SRGAP2B: variants seen among roughly 807,000 people sequenced by gnomAD.
The protein encoded by SRGAP2B is SLIT-ROBO Rho GTPase-activating protein 2B.
SRGAP2B carries 9 observed loss-of-function variants against 22.2 expected under a neutral mutation model. That is an observed-to-expected ratio of 0.41 (90% CI 0.24 to 0.71). The LOEUF (loss-of-function observed/expected upper bound fraction) is 0.71. SRGAP2B is among the 30% of genes least tolerant of loss of function. The probability of loss-of-function intolerance (pLI) is 0.35; values close to 1 mark genes in which losing one functional copy is unlikely to be tolerated. For missense variants in SRGAP2B, 114 were observed against 235.8 expected, an observed-to-expected ratio of 0.48 and a Z score of 3.38; for synonymous variants, 36 against 87.4, an observed-to-expected ratio of 0.41 and a Z score of 3.28.
intron 2 of SRGAP2B, among the ~76,000 whole-genome samples, chr1:145,016,955 TTTTG>T (rs781961698): frequency 2.8e-5 from 4 of 142,752 alleles, no homozygotes; most frequent in African/African-American, 8.1e-5. Flanking sequence ...TTCAAGTTTT[TTTTG>T]TTTGTTTGTT....
At chr1:145,088,453 TAA>T (rs67689376) in intron 2 of SRGAP2B, among the ~76,000 whole-genome samples, 13 of 132,330 alleles carry the variant, frequency 9.8e-5, no homozygotes, top group Admixed American at 2.2e-4. Context: ...CCTAAGACAT[TAA>T]AAAAAAAAAA....
At chr1:144,912,043 C>T (rs1329898027) in intron 5 of SRGAP2B, among the ~76,000 whole-genome samples, 26 of 139,976 alleles carry the variant, frequency 1.9e-4, no homozygotes, top group Middle Eastern at 8.1e-3. Flanking sequence ...CTCTGCCTCC[C>T]AGGTTCAAGC....
At chr1:144,929,470 G>A (rs1364436618) in intron 4 of SRGAP2B, among the ~76,000 whole-genome samples, 1 of 150,752 alleles carries the variant, frequency 6.6e-6, no homozygotes, top group Non-Finnish European at 1.5e-5. Flanking sequence ...TCCATTTTGA[G>A]TTAATTTTTT....
At chr1:144,990,670 G>A (rs587671339) in intron 3 of SRGAP2B, among the ~76,000 whole-genome samples, 18 of 149,726 alleles carry the variant, frequency 1.2e-4, no homozygotes, top group African/African-American at 4.0e-4. Context: ...AGCGGGAACC[G>A]GGGCTGCGTG....
intron 3 of SRGAP2B, among the ~76,000 whole-genome samples, chr1:144,993,282 A>G (rs1393584827): frequency 4.0e-5 from 6 of 151,240 alleles, no homozygotes; most frequent in African/African-American, 1.5e-4. Flanking sequence ...CCAAATGTCA[A>G]TGTGCACACA....
intron 4 of SRGAP2B, among the ~76,000 whole-genome samples, chr1:144,927,043 G>A (rs113663887): frequency 0.011 from 1,695 of 151,174 alleles, 28 homozygotes; most frequent in Non-Finnish European, 0.017. Context: ...TCTGCCTCCC[G>A]GCTTCACGCC....
At chr1:145,034,256 CTT>C (rs1648529417) in intron 2 of SRGAP2B, among the ~76,000 whole-genome samples, 1 of 83,060 alleles carries the variant, frequency 1.2e-5, no homozygotes, top group Non-Finnish European at 2.4e-5. Context: ...CCAAGTAACA[CTT>C]TTCTCATTTC....
intron 4 of SRGAP2B, among the ~76,000 whole-genome samples, chr1:144,924,952 T>A (rs1358144432): frequency 6.7e-6 from 1 of 148,964 alleles, no homozygotes; most frequent in Non-Finnish European, 1.5e-5. Flanking sequence ...TTTAAGCCTA[T>A]GTTATTAAGT....
intron 2 of SRGAP2B, among the ~76,000 whole-genome samples, chr1:145,065,199 A>C (rs1272269970): frequency 6.6e-6 from 1 of 152,070 alleles, no homozygotes; most frequent in Non-Finnish European, 1.5e-5. Flanking sequence ...TTTCAATTAT[A>C]AAACTTGGGG....
intron 2 of SRGAP2B, among the ~76,000 whole-genome samples, chr1:145,030,480 T>C (rs1648152357): frequency 8.8e-6 from 1 of 114,164 alleles, no homozygotes; most frequent in Non-Finnish European, 1.7e-5. Flanking sequence ...CATGTTCTCA[T>C]TCATAGGTGG....
chr1:145,030,630 A>G (rs1293185473), intron 2 of SRGAP2B, among the ~76,000 whole-genome samples: 2 of 99,588 alleles, frequency 2.0e-5, no homozygotes, highest in Non-Finnish European at 3.7e-5. Flanking sequence ...GCAGCACACC[A>G]ACATGGCACA....
intron 4 of SRGAP2B, among the ~76,000 whole-genome samples, chr1:144,943,834 G>A (rs1283958785): frequency 6.7e-6 from 1 of 149,836 alleles, no homozygotes; most frequent in African/African-American, 2.5e-5. Context: ...CAGTTGAACA[G>A]ATAAAACTAA....
chr1:145,036,320 T>C (rs1553626646), intron 2 of SRGAP2B, among the ~76,000 whole-genome samples: 2 of 145,144 alleles, frequency 1.4e-5, no homozygotes, highest in South Asian at 4.5e-4. Context: ...ATACTGTCAA[T>C]ATGCTTCCCA....
At chr1:144,992,364 C>G (rs1166525731) in intron 3 of SRGAP2B, among the ~76,000 whole-genome samples, 1 of 150,926 alleles carries the variant, frequency 6.6e-6, no homozygotes, top group Non-Finnish European at 1.5e-5. Flanking sequence ...CACATCTGAA[C>G]CTTAATTTGT....
At chr1:145,067,287 T>C (rs1223938840) in intron 2 of SRGAP2B, among the ~76,000 whole-genome samples, 1 of 116,806 alleles carries the variant, frequency 8.6e-6, no homozygotes, top group Admixed American at 8.6e-5. Flanking sequence ...AGACTCTGTC[T>C]AAAAAAAAAA....
rs1180034962 is a variant in SRGAP2B, at chr1:144,947,551, C to T, written c.423+7888G>A. The stretch of plus-strand genomic sequence containing the variant: ...CCAAGACCCTGGAGAAAAGTATTAA[C>T]TGAGCCTCTTACATTCCTTCCTCAG... On this transcript the variant is annotated intron_variant, in intron 4 of 9. Coordinates refer to ENST00000612199, the Ensembl canonical transcript of SRGAP2B. Among the ~76,000 whole-genome samples, 117 of 150,430 alleles carry T rather than the reference C, an allele frequency of 7.8e-4. 1 individual carries two copies. The highest frequency in any genetic ancestry group is 1.4e-3 in the Non-Finnish European group (98 of 67,914).
rs1431872841 is a variant in SRGAP2B at position 144,975,873 on chromosome 1, T to C, written c.260+19135A>G. ...AGAGGCATGGGTTAGTAATTCTTTTTTTTTTTTTTTTTTTTTTTGATATGG... is the reference window on the plus strand; with the variant it reads ...AGAGGCATGGGTTAGTAATTCTTTTCTTTTTTTTTTTTTTTTTTGATATGG... On this transcript the variant is annotated intron_variant, in intron 3 of 9. Coordinates refer to ENST00000612199, the Ensembl canonical transcript of SRGAP2B. Among the ~76,000 whole-genome samples the C allele has an allele frequency of 1.3e-4, 12 of 95,582 alleles. 1 individual carries two copies. The highest frequency in any genetic ancestry group is 2.5e-4 in the Non-Finnish European group (12 of 47,840). 62.7% of individuals were successfully genotyped at this position (95,582 alleles called of 152,430 possible).
At chr1:144,917,541 G>T (rs1412147738) in intron 4 of SRGAP2B, among the ~76,000 whole-genome samples, 1 of 141,834 alleles carries the variant, frequency 7.1e-6, no homozygotes, top group Non-Finnish European at 1.5e-5. Flanking sequence ...CCCAGAGTGG[G>T]GGATGGGGGA....
At chr1:145,093,713 C>A (rs1553636571) in intron 1 of SRGAP2B, among the ~76,000 whole-genome samples, 1 of 148,868 alleles carries the variant, frequency 6.7e-6, no homozygotes, top group African/African-American at 2.6e-5. Flanking sequence ...GCGGGGAATG[C>A]GGCACCTCGG....
Sources: gnomAD v4.1 joint callset for allele counts (sites outside exome capture counted in the v4.1 genomes callset) on GRCh38, gnomAD v4.1.1 for gene constraint, MANE v1.5 for transcripts, NCBI Gene and HGNC (gene_info 2026-07-23, HGNC 2026-07-21) for gene names.